Variants in TRABD2B observed in about 807,000 individuals in gnomAD.
TRABD2B encodes metalloprotease TIKI2.
A neutral mutation model predicts 40.1 loss-of-function variants in TRABD2B; 14 were observed. That is an observed-to-expected ratio of 0.35 (90% CI 0.23 to 0.55). The LOEUF (loss-of-function observed/expected upper bound fraction) is 0.55, where lower values mean the gene tolerates loss of function less well. Ranked by LOEUF, TRABD2B falls within the 20% of genes least tolerant of loss-of-function variation. The probability of loss-of-function intolerance (pLI) is 0.90; values close to 1 mark genes in which losing one functional copy is unlikely to be tolerated. For synonymous variants in TRABD2B, 263 were observed against 277.0 expected, an observed-to-expected ratio of 0.95 and a Z score of 0.50; for missense variants, 541 against 648.6, an observed-to-expected ratio of 0.83 and a Z score of 1.80.
chr1:47,812,780 C>T (rs913385680), intron 2 of TRABD2B, among the ~76,000 whole-genome samples: 2 of 152,084 alleles, frequency 1.3e-5, no homozygotes, highest in South Asian at 2.1e-4. Flanking sequence ...TATAGAGGAG[C>T]ATGGTGTGTT....
At chr1:47,894,929 G>C (rs532767913) in intron 2 of TRABD2B, among the ~76,000 whole-genome samples, 1 of 152,246 alleles carries the variant, frequency 6.6e-6, no homozygotes, top group African/African-American at 2.4e-5. Flanking sequence ...TGGGTAGGAA[G>C]AGCTCAGGAG....
intron 3 of TRABD2B, 33 bp from the exon 4 acceptor site, chr1:47,794,793 T>C: frequency 9.0e-7 from 1 of 1,116,964 alleles, no homozygotes; most frequent in Non-Finnish European, 1.1e-6. Context: ...GCCTTCAGTT[T>C]TTTTTTTTTT....
intron 2 of TRABD2B, among the ~76,000 whole-genome samples, chr1:47,815,910 A>G (rs555380397): frequency 2.0e-5 from 3 of 152,302 alleles, no homozygotes; most frequent in South Asian, 2.1e-4. Flanking sequence ...AAGAGACCCA[A>G]CCACAGACTT....
At position 47,767,346 on chromosome 1, in the gene TRABD2B, G is replaced by T. The variant is rs186608080; in HGVS notation, c.1350-1240C>A. On this transcript the variant is annotated intron_variant, in intron 6 of 6. Transcript: ENST00000606738. Reference sequence around the variant, plus strand: ...AGGTAGATGAAGGGAAGGCCATGAGGGCCTCCCGGAAGCAGGGAGGCCACA... The same window carrying T: ...AGGTAGATGAAGGGAAGGCCATGAGTGCCTCCCGGAAGCAGGGAGGCCACA... 3.3e-5 allele frequency among the ~76,000 whole-genome samples: 5 copies of T among 152,280 alleles called. No individual in the cohort carries two copies. In the East Asian group the frequency reaches 9.6e-4, roughly 29 times the overall value.
chr1:47,976,024 A>C (rs1645751199), intron 2 of TRABD2B, among the ~76,000 whole-genome samples: 1 of 152,192 alleles, frequency 6.6e-6, no homozygotes, highest in South Asian at 2.1e-4. Context: ...GGGCCAGACC[A>C]GAAAAGACCT....
chr1:47,944,367 G>C (rs1645230361), intron 2 of TRABD2B, among the ~76,000 whole-genome samples: 1 of 152,202 alleles, frequency 6.6e-6, no homozygotes, highest in African/African-American at 2.4e-5. Context: ...AGTGGAGAAT[G>C]AAGTAAAGAC....
intron 2 of TRABD2B, among the ~76,000 whole-genome samples, chr1:47,852,073 G>A (rs957591835): frequency 2.0e-5 from 3 of 152,200 alleles, no homozygotes; most frequent in African/African-American, 4.8e-5. Flanking sequence ...CTGTGCTAAG[G>A]GAAAGGAAAA....
At chr1:47,824,415 G>T (rs977983346) in intron 2 of TRABD2B, among the ~76,000 whole-genome samples, 1 of 152,172 alleles carries the variant, frequency 6.6e-6, no homozygotes, top group Non-Finnish European at 1.5e-5. Context: ...ACTTTGTGCT[G>T]TACATGCCCT....
chr1:47,912,654 T>C (rs376243943), intron 2 of TRABD2B, among the ~76,000 whole-genome samples: 6 of 152,272 alleles, frequency 3.9e-5, no homozygotes, highest in East Asian at 3.9e-4. Flanking sequence ...ATATTTACCA[T>C]ATGCTGGGAG....
intron 4 of TRABD2B, among the ~76,000 whole-genome samples, chr1:47,781,796 T>C (rs1195452335): frequency 6.6e-6 from 1 of 152,204 alleles, no homozygotes; most frequent in Non-Finnish European, 1.5e-5. Flanking sequence ...ATGCGGTTCC[T>C]GCGCTCCCGA....
At chr1:47,866,204 G>A (rs1261766686) in intron 2 of TRABD2B, among the ~76,000 whole-genome samples, 1 of 151,724 alleles carries the variant, frequency 6.6e-6, no homozygotes, top group East Asian at 2.0e-4. Context: ...GAACAAGCAG[G>A]AACGAGCAGA....
At chr1:47,798,966 C>T (rs983621182) in intron 3 of TRABD2B, among the ~76,000 whole-genome samples, 1 of 152,230 alleles carries the variant, frequency 6.6e-6, no homozygotes, top group Non-Finnish European at 1.5e-5. Context: ...TCTATCTGTG[C>T]ATCCTTGGGG....
intron 2 of TRABD2B, among the ~76,000 whole-genome samples, chr1:47,862,816 T>C (rs1159985085): frequency 2.3e-5 from 3 of 130,898 alleles, no homozygotes; most frequent in Non-Finnish European, 5.0e-5. Context: ...GGAATGACAG[T>C]ACTCAATTCA....
chr1:47,800,450 G>A (rs1015670495), intron 3 of TRABD2B, among the ~76,000 whole-genome samples: 9 of 152,194 alleles, frequency 5.9e-5, no homozygotes, highest in Non-Finnish European at 1.2e-4. Flanking sequence ...AGTTGGGTTC[G>A]CACACCAGCA....
At chr1:47,900,756 T>C (rs1644589544) in intron 2 of TRABD2B, among the ~76,000 whole-genome samples, 1 of 152,208 alleles carries the variant, frequency 6.6e-6, no homozygotes, top group Non-Finnish European at 1.5e-5. Context: ...CCTCACCTGA[T>C]GCCAAGGCCT....
At chr1:47,928,360 T>C (rs574924599) in intron 2 of TRABD2B, among the ~76,000 whole-genome samples, 21 of 152,248 alleles carry the variant, frequency 1.4e-4, no homozygotes, top group Non-Finnish European at 2.5e-4. Context: ...AAAATGGGTA[T>C]AATAATAGCT....
At chr1:47,879,898 A>G (rs1440062194) in intron 2 of TRABD2B, among the ~76,000 whole-genome samples, 1 of 152,018 alleles carries the variant, frequency 6.6e-6, no homozygotes, top group Non-Finnish European at 1.5e-5. Flanking sequence ...TGCCAGGCTG[A>G]CCCCTCTCGT....
intron 2 of TRABD2B, among the ~76,000 whole-genome samples, chr1:47,836,428 T>C (rs989070268): frequency 1.3e-5 from 2 of 152,204 alleles, no homozygotes; most frequent in South Asian, 4.1e-4. Context: ...GGGGCAATCA[T>C]TCAACTTCTC....
At chr1:47,809,802 G>A (rs995097656) in intron 2 of TRABD2B, among the ~76,000 whole-genome samples, 2 of 152,180 alleles carry the variant, frequency 1.3e-5, no homozygotes, top group Non-Finnish European at 2.9e-5. Context: ...GACTGGCTCT[G>A]GGCTGGGAGC....
Sources: gnomAD v4.1 joint callset for allele counts (sites outside exome capture counted in the v4.1 genomes callset) on GRCh38, gnomAD v4.1.1 for gene constraint, MANE v1.5 for transcripts, NCBI Gene and HGNC (gene_info 2026-07-23, HGNC 2026-07-21) for gene names.